Variants in CHADL observed in about 807,000 individuals in gnomAD.
The protein encoded by CHADL is chondroadherin like.
A neutral mutation model predicts 52.1 loss-of-function variants in CHADL; 48 were observed. That is an observed-to-expected ratio of 0.92 (90% CI 0.73 to 1.17). The LOEUF (loss-of-function observed/expected upper bound fraction) is 1.17, where lower values mean the gene tolerates loss of function less well. CHADL is among the 50% of genes most tolerant of loss of function. CHADL has a pLI of 0.00. For synonymous variants in CHADL, 498 were observed against 511.2 expected (o/e 0.97, Z 0.35); for missense variants, 977 against 1,035.1 (o/e 0.94, Z 0.77).
rs1458587411 is a variant in CHADL at position 41,238,482 on chromosome 22, A to G, written c.590T>C (p.Leu197Pro). ...LRLSHNALSV[L>P]APEALAGLPA... ...CAGGCCAGCCAGGGCCTCGGGGGCC[A>G]GCACGCTGAGCGCGTTGTGCGACAG... is the stretch of plus-strand genomic sequence containing the variant. Residue 197 changes from leucine (L) to proline (P), a missense_variant, in exon 3 of 6, where the codon CTG (leucine) becomes CCG (proline). Coordinates refer to ENST00000216241, the MANE Select transcript of CHADL (RefSeq NM_138481.2). The surrounding 1 kb of genome is among the most constrained non-coding windows in gnomAD (Gnocchi z 4.9). 2.6e-6 allele frequency: 4 copies of G among 1,535,548 alleles called. No individual in the cohort carries two copies. The highest frequency in any genetic ancestry group is 4.9e-5 in the East Asian group (2 of 40,714).
Position 41,229,548 on chromosome 22 carries a change from AT to A in CHADL, c.*155del. 6.2e-7 allele frequency: 1 copy of A among 1,610,574 alleles called. No homozygotes were observed. Among genetic ancestry groups the A allele is most frequent in the Non-Finnish European group, 8.5e-7 (1 of 1,177,330 alleles). On this transcript the variant is annotated 3_prime_UTR_variant, in exon 6 of 6. Transcript: ENST00000216241. ...TCCATTTTTATTCAAAGGGAAAAGA[AT>A]CCCGCCCACTAAGACGCGACCCCTC...
rs369709167 is a variant in CHADL, at chr22:41,229,668, C to T, written c.*36G>A. On this transcript the variant is annotated 3_prime_UTR_variant, in exon 6 of 6. Coordinates refer to ENST00000216241, the MANE Select transcript of CHADL (RefSeq NM_138481.2). ...TGTTCCTGGCGAGAGTAAGAGCCAC[C>T]GGGCTGGGTCAAGGCAGGACCAGCC... 28 of 1,613,124 alleles carry T rather than the reference C, an allele frequency of 1.7e-5. No homozygotes were observed. The African/African-American group carries it at 1.9e-4, about 11-fold the overall frequency.
chr22:41,235,111 A>T, intron 5 of CHADL, 34 bp downstream of exon 5: 1 of 1,546,188 alleles, frequency 6.5e-7, no homozygotes. Context: ...CCCACCACCC[A>T]CCAAGGTCTC....
At position 41,238,436 on chromosome 22, in the gene CHADL, G is replaced by C; in HGVS notation, c.636C>G (p.Ser212Arg). 5 of 1,528,066 alleles carry C rather than the reference G, an allele frequency of 3.3e-6. No individual in the cohort carries two copies. The highest frequency in any genetic ancestry group is 4.4e-6 in the Non-Finnish European group (5 of 1,140,358). 94.7% of individuals were successfully genotyped at this position (1,528,066 alleles called of 1,614,324 possible). A position where few individuals can be genotyped will look rare whatever the true frequency, so the allele number is the denominator to read the frequency against. The change falls in exon 3 of 6, where the codon AGC becomes AGG. Residue 212 changes from serine (S) to arginine (R), a missense_variant. Ser to Arg is a moderately radical substitution (Grantham distance 110). Transcript: ENST00000216241. This position sits in a 1 kb window ranked among gnomAD's most constrained non-coding sequence, Gnocchi z 4.9. ...GAGCCTGGAGCTCGTTGTGGTGTAG[G>C]CTGAGCCGTCTCAGGGCGGGCAGGC... ...LAGLPALRRL[S>R]LHHNELQALP...
chr22:41,231,486 AGATGGAGCCT>A (rs1188945416), intron 5 of CHADL, among the ~76,000 whole-genome samples: 19 of 152,250 alleles, frequency 1.2e-4, no homozygotes, highest in Non-Finnish European at 2.4e-4. Flanking sequence ...AGTTCCCCAG[AGATGGAGCCT>A]GTGTCCGCCT....
intron 5 of CHADL, 131 bp downstream of exon 5, chr22:41,235,014 C>G (rs2032712526): frequency 1.1e-6 from 1 of 930,204 alleles, no homozygotes; most frequent in East Asian, 2.6e-5. Context: ...TGAACTGACG[C>G]AACTGGGTCA....
At chr22:41,230,253 C>G (rs1362247814) in intron 5 of CHADL, 3 of 1,610,414 alleles carry the variant, frequency 1.9e-6, no homozygotes, top group Admixed American at 1.7e-5. Flanking sequence ...GACGACTGAG[C>G]CTTCCTGCCT....
chr22:41,231,640 A>G (rs1353111928), intron 5 of CHADL, among the ~76,000 whole-genome samples: 3 of 152,192 alleles, frequency 2.0e-5, no homozygotes, highest in Non-Finnish European at 4.4e-5. Context: ...ATCTCTTGGG[A>G]GTTTTTGCTC....
intron 1 of CHADL, among the ~76,000 whole-genome samples, chr22:41,240,137 GA>G (rs1353657466): frequency 6.6e-6 from 1 of 152,200 alleles, no homozygotes; most frequent in Admixed American, 6.5e-5. Flanking sequence ...CTGGAGTCTG[GA>G]GTGCAGTGGA....
At chr22:41,230,290 G>A (rs768678438) in intron 5 of CHADL, 1 of 1,502,484 alleles carries the variant, frequency 6.7e-7, no homozygotes, top group Admixed American at 1.7e-5. Flanking sequence ...CTGGAAGCCA[G>A]CCCAGCGTTT....
chr22:41,231,166 C>G (rs2032570350), intron 5 of CHADL: 1 of 152,242 alleles, frequency 6.6e-6, no homozygotes, highest in Non-Finnish European at 1.5e-5. Context: ...ACACAGAACC[C>G]TCAAGACAAG....
Position 41,237,845 on chromosome 22 carries a change from G to C in CHADL, c.1227C>G (p.Ser409Arg), listed in dbSNP as rs753307879. 1 of 1,453,048 alleles carries C rather than the reference G, an allele frequency of 6.9e-7. No individual in the cohort carries two copies. The highest frequency in any genetic ancestry group is 2.7e-5 in the East Asian group (1 of 37,722). The allele number at this position is 1,453,048 out of a possible 1,614,324, so 90.0% of individuals were successfully genotyped here. A position where few individuals can be genotyped will look rare whatever the true frequency, so the allele number is the denominator to read the frequency against. Residue 409 changes from serine to arginine, a missense_variant, in exon 3 of 6, where the codon AGC (serine) becomes AGG (arginine). Physicochemically the swap from Ser to Arg is moderately radical, Grantham distance 110. Transcript: ENST00000216241. ...ACVCVPESRH[S>R]SCEGCGLQAV... ...CCTGCAGGCCGCAGCCCTCGCAGCTGCTGTGCCGGGACTCGGGGACGCACA... is the reference window on the plus strand; with the variant it reads ...CCTGCAGGCCGCAGCCCTCGCAGCTCCTGTGCCGGGACTCGGGGACGCACA...
chr22:41,232,350 T>G (rs2032633461), intron 5 of CHADL, among the ~76,000 whole-genome samples: 2 of 151,340 alleles, frequency 1.3e-5, no homozygotes, highest in South Asian at 2.1e-4. Flanking sequence ...AAAAAAAAAT[T>G]TACACCTGTA....
chr22:41,235,882 T>G (rs1424327928), intron 4 of CHADL, among the ~76,000 whole-genome samples: 1 of 151,932 alleles, frequency 6.6e-6, no homozygotes, highest in Non-Finnish European at 1.5e-5. Context: ...GACTTTTTAT[T>G]TTTTTTTGAG....
chr22:41,235,272 A>T lies in CHADL; in HGVS notation c.2135T>A (p.Val712Glu). The change falls in exon 5 of 6, where the codon GTG (valine) becomes GAG (glutamate). Residue 712 changes from valine to glutamate, a missense_variant. Transcript: ENST00000216241. Reference sequence around the variant, plus strand: ...TTCAAAGACAGCAGCTGCAGCCTTCACCCTCTGGCCACGGGCATTGGGAGG... The same window carrying T: ...TTCAAAGACAGCAGCTGCAGCCTTCTCCCTCTGGCCACGGGCATTGGGAGG... ...ATPPNARGQR[V>E]KAAAAVFEDC... 6.4e-7 allele frequency: 1 copy of T among 1,551,050 alleles called. No homozygotes were observed.
chr22:41,238,766 G>A lies in CHADL; in HGVS notation c.306C>T (p.Ala102=). The change falls in exon 3 of 6, where the codon GCC becomes GCT. Residue 102 remains alanine, a synonymous_variant. Coordinates refer to ENST00000216241, the MANE Select transcript of CHADL (RefSeq NM_138481.2). The surrounding 1 kb of genome is among the most constrained non-coding windows in gnomAD (Gnocchi z 4.9). ...DLRHCEVELV[A]EGAFRGLGRL... ...GGCCCAGGCCACGGAAGGCGCCCTC[G>A]GCCACCAGCTCCACCTCGCAGTGGC... 1 of 1,549,398 alleles carries A rather than the reference G, an allele frequency of 6.5e-7. No individual in the cohort carries two copies. Among genetic ancestry groups the A allele is most frequent in the Non-Finnish European group, 8.7e-7 (1 of 1,146,774 alleles).
At chr22:41,235,749 G>A (rs912640887) in intron 4 of CHADL, among the ~76,000 whole-genome samples, 1 of 152,186 alleles carries the variant, frequency 6.6e-6, no homozygotes, top group African/African-American at 2.4e-5. Context: ...CCATCATGAG[G>A]TTAGATACTA....
In CHADL at chr22:41,237,314, A is replaced by G. The variant is rs1274436032; in HGVS notation, c.1758T>C (p.Thr586=). The G allele has an allele frequency of 2.6e-6, 4 of 1,550,534 alleles. No homozygotes were observed. The East Asian group carries it at 9.8e-5, about 38-fold the overall frequency. Reference sequence around the variant, plus strand: ...GGGCAGGCAGCCCCTCCAAGGCCCCAGTGGGCACCTCTCGCAGCTGATTCC... The same window carrying G: ...GGGCAGGCAGCCCCTCCAAGGCCCCGGTGGGCACCTCTCGCAGCTGATTCC... ...LDRNQLREVP[T]GALEGLPALL... is the part of the protein sequence containing the mutation. Residue 586 remains threonine, a synonymous_variant, in exon 3 of 6, where the codon ACT becomes ACC. Transcript: ENST00000216241.
In CHADL at chr22:41,236,466, C is replaced by G; in HGVS notation, c.2063+18G>C. 1 of 1,547,008 alleles carries G rather than the reference C, an allele frequency of 6.5e-7. No individual in the cohort carries two copies. The highest frequency in any genetic ancestry group is 8.7e-7 in the Non-Finnish European group (1 of 1,144,128). On this transcript the variant is annotated intron_variant, in intron 4 of 5. Transcript: ENST00000216241. ...GGCTGGGTGGTCTTTGGCTGGAGGTCTAGGTGGGGGTGCCCACCTGTGCAG... is the reference window on the plus strand; with the variant it reads ...GGCTGGGTGGTCTTTGGCTGGAGGTGTAGGTGGGGGTGCCCACCTGTGCAG...
Sources: gnomAD v4.1 joint callset for allele counts (sites outside exome capture counted in the v4.1 genomes callset) on GRCh38, gnomAD v4.1.1 for gene constraint, Gnocchi (gnomAD v3.1) non-coding constraint, MANE v1.5 for transcripts, NCBI Gene and HGNC (gene_info 2026-07-23, HGNC 2026-07-21) for gene names.